Variants in AP3D1 observed in about 807,000 individuals in gnomAD.
AP3D1 encodes the protein AP-3 complex subunit delta-1.
Under a neutral mutation model 147.6 loss-of-function variants are expected in AP3D1, and 51 were observed. The ratio of observed to expected loss-of-function variants is 0.35; its 90% CI spans 0.28 to 0.44. The LOEUF is 0.44. Ranked by LOEUF, AP3D1 falls within the 20% of genes least tolerant of loss-of-function variation. The probability of loss-of-function intolerance (pLI) is 1.00; values close to 1 mark genes in which losing one functional copy is unlikely to be tolerated. For synonymous variants in AP3D1, 760 were observed against 663.0 expected (o/e 1.15, Z -2.25); for missense variants, 1,421 against 1,624.2 (o/e 0.87, Z 2.15).
At chr19:2,117,169 C>G in intron 16 of AP3D1, 53 bp downstream of exon 16, 3 of 1,529,260 alleles carry the variant, frequency 2.0e-6, no homozygotes, top group Non-Finnish European at 2.6e-6. Context: ...CACCAGGCAT[C>G]AAGGGACCAT....
chr19:2,143,495 C>T (rs2019277236), intron 1 of AP3D1, among the ~76,000 whole-genome samples: 1 of 152,056 alleles, frequency 6.6e-6, no homozygotes, highest in Admixed American at 6.6e-5. Context: ...CCACCTTGGC[C>T]TCTCAAAGTG....
At chr19:2,157,460 A>AAAG (rs1276331022) in intron 1 of AP3D1, among the ~76,000 whole-genome samples, 1 of 132,954 alleles carries the variant, frequency 7.5e-6, no homozygotes, top group African/African-American at 2.8e-5. Context: ...AAAAAAAAAA[A>AAAG]GAAAAAAACA....
chr19:2,116,861 G>A, intron 16 of AP3D1, 115 bp from the exon 17 acceptor site: 2 of 1,343,470 alleles, frequency 1.5e-6, no homozygotes, highest in Non-Finnish European at 2.0e-6. Context: ...AAACAGTGGG[G>A]CCTGCCACCC....
Position 2,121,765 on chromosome 19 carries a change from C to T in AP3D1, c.1070G>A (p.Arg357Gln), listed in dbSNP as rs1321821914. The change falls in exon 12 of 32, where the codon CGG becomes CAG. Residue 357 changes from arginine (R) to glutamine (Q), a missense_variant. Physicochemically the swap from Arg to Gln is conservative, Grantham distance 43. Coordinates refer to ENST00000643116, the MANE Select transcript of AP3D1 (RefSeq NM_001261826.3). ...ATAGAGCAGGTCCAGGGCCCGCAGC[C>T]GGATGGACTCGTCCTTGTCGTCCAG... ...QCLDDKDESIRLRALDLLYGM... is the reference protein window; with the variant it reads ...QCLDDKDESIQLRALDLLYGM... The T allele has an allele frequency of 3.1e-6, 5 of 1,610,628 alleles. No homozygotes were observed. The highest frequency in any genetic ancestry group is 1.1e-5 in the South Asian group (1 of 90,732).
At chr19:2,141,656 G>A (rs771075617) in intron 1 of AP3D1, among the ~76,000 whole-genome samples, 9 of 151,928 alleles carry the variant, frequency 5.9e-5, no homozygotes, top group East Asian at 1.9e-4. Context: ...TGGCCATGAC[G>A]GTCTCGATCT....
chr19:2,140,439 T>A (rs566262225), intron 1 of AP3D1, among the ~76,000 whole-genome samples: 2 of 151,342 alleles, frequency 1.3e-5, no homozygotes, highest in Non-Finnish European at 2.9e-5. Flanking sequence ...GATGAATGGA[T>A]ACACACCATG....
chr19:2,109,243 C>A, intron 29 of AP3D1, 36 bp from the exon 30 acceptor site: 1 of 1,539,008 alleles, frequency 6.5e-7, no homozygotes, highest in Non-Finnish European at 8.7e-7. Context: ...TGCGGTGGGG[C>A]CGGGCTCCTC....
rs1568268788 is a variant in AP3D1 at position 2,102,060 on chromosome 19, A to AT, written c.*112dup. 1.3e-6 allele frequency: 1 copy of AT among 777,936 alleles called. No individual in the cohort carries two copies. The allele number at this position is 777,936 out of a possible 1,614,324, so 48.2% of individuals were successfully genotyped here. A position where few individuals can be genotyped will look rare whatever the true frequency, so the allele number is the denominator to read the frequency against. On this transcript the variant is annotated 3_prime_UTR_variant, in exon 32 of 32. Coordinates refer to ENST00000643116, the MANE Select transcript of AP3D1 (RefSeq NM_001261826.3). ...TACACGGCGGACAACATAGAGTTAA[A>AT]TTAACACTCAGGCTTGGGTACAGTA...
chr19:2,129,777 G>A (rs550546742), intron 6 of AP3D1, among the ~76,000 whole-genome samples: 1 of 152,358 alleles, frequency 6.6e-6, no homozygotes, highest in East Asian at 1.9e-4. Context: ...GAGGGCTCCA[G>A]AAACAGCTGC....
chr19:2,110,634 G>C, intron 27 of AP3D1, 73 bp downstream of exon 27: 1 of 1,431,158 alleles, frequency 7.0e-7, no homozygotes, highest in Non-Finnish European at 9.4e-7. Context: ...AGAACCAGCG[G>C]ATCCGGGCAG....
Position 2,109,149 on chromosome 19 carries a change from C to G in AP3D1, c.3409G>C (p.Asp1137His). 1 of 1,609,704 alleles carries G rather than the reference C, an allele frequency of 6.2e-7. No homozygotes were observed. The highest frequency in any genetic ancestry group is 8.5e-7 in the Non-Finnish European group (1 of 1,178,700). Residue 1137 changes from aspartate (D) to histidine (H), a missense_variant, in exon 30 of 32, where the codon GAT becomes CAT. Physicochemically the swap from Asp to His is moderately conservative, Grantham distance 81 (BLOSUM62 -1). Around this residue, in one of 6 missense-constraint regions of AP3D1, gnomAD observed 791 missense variants for 761.4 expected, o/e 1.04. Coordinates refer to ENST00000643116, the MANE Select transcript of AP3D1 (RefSeq NM_001261826.3). Reference protein sequence around the residue: ...GDLSMSSIKVDGIRMSFQNLL... With the variant: ...GDLSMSSIKVHGIRMSFQNLL... ...TTCTGGAAGGACATCCGAATGCCAT[C>G]GACTTTGATTGAGCTCATGCTCAAG...
chr19:2,125,741 T>C (rs1339886254), intron 9 of AP3D1, among the ~76,000 whole-genome samples: 2 of 152,006 alleles, frequency 1.3e-5, no homozygotes, highest in African/African-American at 2.4e-5. Context: ...GGTGTGTAGA[T>C]GTGTTAATTA....
Position 2,121,252 on chromosome 19 carries a change from T to C in AP3D1, c.1161A>G (p.Ala387=). The C allele has an allele frequency of 6.2e-7, 1 of 1,614,208 alleles. No individual in the cohort carries two copies. The highest frequency in any genetic ancestry group is 2.2e-5 in the East Asian group (1 of 44,890). ...VKKLMTHVDK[A]EGTTYRDELL... ...GCTCGTCACGGTAGGTGGTACCCTCTGCCTTGTCTACGTGGGTCATCAGCT... is the reference window on the plus strand; with the variant it reads ...GCTCGTCACGGTAGGTGGTACCCTCCGCCTTGTCTACGTGGGTCATCAGCT... The change falls in exon 13 of 32, where the codon GCA becomes GCG. Residue 387 remains alanine (A), a synonymous_variant. Transcript: ENST00000643116.
In AP3D1 at chr19:2,110,829, C is replaced by G; in HGVS notation, c.3053G>C (p.Arg1018Thr). Residue 1018 changes from arginine (R) to threonine (T), a missense_variant, in exon 27 of 32, where the codon AGG becomes ACG. By Grantham distance (71) the Arg-to-Thr change is moderately conservative (BLOSUM62 -1). This residue lies in a region of AP3D1 where 791 missense variants were observed against 761.4 expected (regional missense o/e 1.04). Coordinates refer to ENST00000643116, the MANE Select transcript of AP3D1 (RefSeq NM_001261826.3). ...CATGCCCTTGAGGATGCTGCTGCTC[C>G]TGTTCTCCAGCACGATGGCCACAGT... ...QVTVAIVLEN[R>T]SSSILKGMEL... is the part of the protein sequence containing the mutation. 1 of 1,613,704 alleles carries G rather than the reference C, an allele frequency of 6.2e-7. No homozygotes were observed. The highest frequency in any genetic ancestry group is 8.5e-7 in the Non-Finnish European group (1 of 1,180,002).
Position 2,148,319 on chromosome 19 carries a change from A to ACTT in AP3D1, c.96+2917_96+2919dup, listed in dbSNP as rs1448410980. Among the ~76,000 whole-genome samples, 6 of 152,272 alleles carry ACTT rather than the reference A, an allele frequency of 3.9e-5. No individual in the cohort carries two copies. In the South Asian group the frequency reaches 1.2e-3, roughly 32 times the overall value. ...CAAGACACATACACATGAGACCACT[A>ACTT]CTTCTCACGCTTTTTGGACTCATCT... On this transcript the variant is annotated intron_variant, in intron 1 of 31. Coordinates refer to ENST00000643116, the MANE Select transcript of AP3D1 (RefSeq NM_001261826.3).
intron 2 of AP3D1, 106 bp from the exon 3 acceptor site, chr19:2,137,913 C>G (rs1444944821): frequency 2.0e-6 from 2 of 988,822 alleles, no homozygotes; most frequent in East Asian, 2.5e-5. Flanking sequence ...CTGGAACAGA[C>G]TCATTCACTG....
upstream of AP3D1, among the ~76,000 whole-genome samples, chr19:2,153,596 G>A (rs1416244731): frequency 1.3e-5 from 2 of 151,382 alleles, no homozygotes; most frequent in African/African-American, 2.4e-5. Context: ...GAATGGCTCC[G>A]CCCAGGGGGC....
intron 1 of AP3D1, among the ~76,000 whole-genome samples, chr19:2,146,102 C>G (rs569841905): frequency 2.5e-4 from 38 of 152,300 alleles, no homozygotes; most frequent in African/African-American, 8.9e-4. Context: ...ACCCACATGT[C>G]CGACTATGTA....
upstream of AP3D1, among the ~76,000 whole-genome samples, chr19:2,155,957 G>A (rs1430141152): frequency 2.0e-5 from 3 of 151,698 alleles, no homozygotes; most frequent in African/African-American, 7.3e-5. Flanking sequence ...GGAGGCTGAG[G>A]CAGGAGAATG....
Sources: allele counts gnomAD v4.1 joint callset (sites outside exome capture counted in the v4.1 genomes callset), GRCh38; gene constraint gnomAD v4.1.1; regional missense constraint gnomAD v4.1.1; transcripts MANE v1.5; gene names NCBI Gene and HGNC (gene_info 2026-07-23, HGNC 2026-07-21).